RAPGEF5: variants seen among roughly 807,000 people sequenced by gnomAD.
The protein encoded by RAPGEF5 is Rap guanine nucleotide exchange factor 5, also known as M-Ras-regulated GEF.
In RAPGEF5, 65 loss-of-function variants were observed where a neutral mutation model predicts 125.2. The ratio of observed to expected loss-of-function variants is 0.52; its 90% confidence interval spans 0.43 to 0.64. The LOEUF (loss-of-function observed/expected upper bound fraction) is 0.64. RAPGEF5 is among the 30% of genes least tolerant of loss of function. The pLI, the probability that RAPGEF5 is intolerant of heterozygous loss-of-function variation, is 0.00. For missense variants in RAPGEF5, 958 were observed against 1,048.1 expected (o/e 0.91, Z 1.19); for synonymous variants, 391 against 385.9 (o/e 1.01, Z -0.16).
chr7:22,273,263 G>A (rs1051526152), intron 6 of RAPGEF5, among the ~76,000 whole-genome samples: 2 of 136,044 alleles, frequency 1.5e-5, no homozygotes, highest in African/African-American at 5.9e-5. Context: ...CTGTCGCCCA[G>A]GCTTGAGTGC....
intron 7 of RAPGEF5, among the ~76,000 whole-genome samples, chr7:22,253,416 C>T (rs923396041): frequency 2.6e-5 from 4 of 152,132 alleles, no homozygotes; most frequent in African/African-American, 7.2e-5. Context: ...CAGAAACAAA[C>T]CATCTGGAAA....
At chr7:22,333,630 A>C (rs1407582966) in intron 1 of RAPGEF5, among the ~76,000 whole-genome samples, 1 of 152,190 alleles carries the variant, frequency 6.6e-6, no homozygotes, top group Non-Finnish European at 1.5e-5. Flanking sequence ...GGATGGTGTA[A>C]GGTATATGAA....
Position 22,298,336 on chromosome 7 carries a change from C to A in RAPGEF5, c.681-7095G>T, listed in dbSNP as rs541640176. 9.2e-5 allele frequency among the ~76,000 whole-genome samples: 14 copies of A among 152,134 alleles called. No homozygotes were observed. In the South Asian group the frequency reaches 1.5e-3, roughly 16 times the overall value. ...GGGATTACAGCCATGCACCACCACG[C>A]CTGGCTAATTTTTTCATATTTTAGT... On this transcript the variant is annotated intron_variant, in intron 5 of 25. Transcript: ENST00000665637.
intron 1 of RAPGEF5, among the ~76,000 whole-genome samples, chr7:22,320,951 C>T (rs1278802157): frequency 6.6e-6 from 1 of 152,114 alleles, no homozygotes; most frequent in Non-Finnish European, 1.5e-5. Flanking sequence ...TCTTAAATGG[C>T]TCCCACCGTA....
intron 2 of RAPGEF5, among the ~76,000 whole-genome samples, chr7:22,316,116 G>A (rs1251878328): frequency 1.3e-5 from 2 of 151,842 alleles, no homozygotes; most frequent in Non-Finnish European, 2.9e-5. Context: ...TCTGGTTCTT[G>A]GAGGATGAAG....
intron 6 of RAPGEF5, among the ~76,000 whole-genome samples, chr7:22,269,956 C>T (rs148467640): frequency 4.6e-5 from 7 of 152,228 alleles, no homozygotes; most frequent in East Asian, 3.9e-4. Flanking sequence ...TCTGAAAGGT[C>T]GAAAGGTTCT....
At position 22,207,138 on chromosome 7, in the gene RAPGEF5, T is replaced by C. The variant is rs74560594; in HGVS notation, c.996+12728A>G. Among the ~76,000 whole-genome samples, 146 of 152,310 alleles carry C rather than the reference T, an allele frequency of 9.6e-4. 1 individual carries two copies. Among genetic ancestry groups the C allele is most frequent in the Admixed American group, 3.8e-3 (58 of 15,290 alleles). ...ATAACATAGTTTCTCCTACTCAAAA[T>C]TGTAACACTCAATGAAGGTGAAAGC... On this transcript the variant is annotated intron_variant, in intron 9 of 25. Transcript: ENST00000665637.
intron 1 of RAPGEF5, among the ~76,000 whole-genome samples, chr7:22,324,242 C>G (rs568920930): frequency 1.3e-5 from 2 of 152,230 alleles, no homozygotes; most frequent in African/African-American, 2.4e-5. Flanking sequence ...AAATATCAGA[C>G]AAACTCAAAT....
intron 3 of RAPGEF5, 72 bp from the exon 4 acceptor site, chr7:22,310,162 A>G (rs769978321): frequency 2.4e-5 from 32 of 1,357,428 alleles, no homozygotes; most frequent in Non-Finnish European, 2.9e-5. Context: ...AAAATGATAT[A>G]TAATACCTTT....
At chr7:22,279,541 T>C (rs774068955) in intron 6 of RAPGEF5, among the ~76,000 whole-genome samples, 10 of 152,258 alleles carry the variant, frequency 6.6e-5, no homozygotes, top group South Asian at 2.1e-4. Context: ...TCAAGAACAA[T>C]TGGTGAAAAG....
intron 6 of RAPGEF5, among the ~76,000 whole-genome samples, chr7:22,273,184 C>T (rs1464575348): frequency 7.3e-5 from 11 of 150,036 alleles, no homozygotes; most frequent in African/African-American, 2.7e-4. Flanking sequence ...TCTATCCTTA[C>T]TCATCTGTTT....
chr7:22,282,858 T>C (rs1782706210), intron 6 of RAPGEF5, among the ~76,000 whole-genome samples: 1 of 152,020 alleles, frequency 6.6e-6, no homozygotes, highest in Non-Finnish European at 1.5e-5. Context: ...AGCAAAAGAG[T>C]GAAAATAAAA....
intron 6 of RAPGEF5, among the ~76,000 whole-genome samples, chr7:22,283,159 T>C (rs1782715690): frequency 6.6e-6 from 1 of 152,098 alleles, no homozygotes; most frequent in Admixed American, 6.6e-5. Flanking sequence ...AGAAAAATGA[T>C]AAAGTCTTTA....
intron 10 of RAPGEF5, 36 bp from the exon 11 acceptor site, chr7:22,193,491 G>A (rs747755151): frequency 1.9e-6 from 3 of 1,566,246 alleles, no homozygotes; most frequent in Non-Finnish European, 1.7e-6. Context: ...AGTCATCCTC[G>A]GTGGAAGACT....
At chr7:22,285,362 A>T (rs963084637) in intron 6 of RAPGEF5, among the ~76,000 whole-genome samples, 5 of 152,198 alleles carry the variant, frequency 3.3e-5, no homozygotes, top group African/African-American at 1.2e-4. Flanking sequence ...TTCAACGAAG[A>T]TTACCCCCAG....
At chr7:22,266,436 C>T (rs934318949) in intron 7 of RAPGEF5, among the ~76,000 whole-genome samples, 6 of 152,078 alleles carry the variant, frequency 3.9e-5, no homozygotes, top group African/African-American at 9.7e-5. Flanking sequence ...TTTTCCTTTC[C>T]ACATGTTACT....
chr7:22,266,876 G>T (rs1782294873), intron 7 of RAPGEF5, 88 bp downstream of exon 7: 1 of 1,321,658 alleles, frequency 7.6e-7, no homozygotes, highest in Admixed American at 1.9e-5. Context: ...AACTTCCTGA[G>T]ATACACTCAA....
At chr7:22,259,813 T>A (rs758742928) in intron 7 of RAPGEF5, among the ~76,000 whole-genome samples, 6 of 152,204 alleles carry the variant, frequency 3.9e-5, no homozygotes, top group African/African-American at 9.6e-5. Context: ...AGATTAATGG[T>A]TGTCTCGAAC....
At chr7:22,260,788 T>C (rs952180963) in intron 7 of RAPGEF5, among the ~76,000 whole-genome samples, 6 of 152,108 alleles carry the variant, frequency 3.9e-5, no homozygotes, top group African/African-American at 1.4e-4. Context: ...ACAAGAAAAG[T>C]AAGAAGAGAC....
Sources: allele counts gnomAD v4.1 joint callset (sites outside exome capture counted in the v4.1 genomes callset), GRCh38; gene constraint gnomAD v4.1.1; transcripts MANE v1.5; gene names NCBI Gene and HGNC (gene_info 2026-07-23, HGNC 2026-07-21).